Variants in PKHD1L1 observed in about 807,000 individuals in gnomAD.
PKHD1L1 encodes fibrocystin-L.
PKHD1L1 carries 434 observed loss-of-function variants against 462.9 expected under a neutral mutation model. The ratio of observed to expected loss-of-function variants is 0.94; its 90% CI spans 0.87 to 1.02. The LOEUF (loss-of-function observed/expected upper bound fraction) is 1.02. Ranked by LOEUF, PKHD1L1 falls within the 50% of genes least tolerant of loss-of-function variation. PKHD1L1 has a pLI of 0.00. For synonymous variants in PKHD1L1, 1,781 were observed against 1,750.0 expected, an observed-to-expected ratio of 1.02 and a Z score of -0.44; for missense variants, 5,202 against 5,096.1, an observed-to-expected ratio of 1.02 and a Z score of -0.63.
At chr8:109,490,144 T>A (rs2130916692) in intron 60 of PKHD1L1, 89 bp downstream of exon 60, 6 of 771,312 alleles carry the variant, frequency 7.8e-6, no homozygotes, top group South Asian at 6.5e-5. Flanking sequence ...ACATCTTATA[T>A]TAGCTAAAAT....
chr8:109,413,924 C>T (rs541896704), intron 21 of PKHD1L1, among the ~76,000 whole-genome samples: 2 of 151,466 alleles, frequency 1.3e-5, no homozygotes, highest in African/African-American at 4.8e-5. Context: ...AGTTTGATCA[C>T]TGAAAAAAAA....
chr8:109,410,219 A>G (rs1271840191), intron 19 of PKHD1L1, among the ~76,000 whole-genome samples: 2 of 152,238 alleles, frequency 1.3e-5, no homozygotes, highest in Non-Finnish European at 2.9e-5. Flanking sequence ...AGAAAGTAGG[A>G]AAGCTGATCA....
intron 5 of PKHD1L1, among the ~76,000 whole-genome samples, chr8:109,384,453 G>A (rs577645590): frequency 1.3e-5 from 2 of 151,982 alleles, no homozygotes; most frequent in Non-Finnish European, 2.9e-5. Context: ...TGAGGCGAGA[G>A]GATCACTTGA....
At chr8:109,416,622 T>C (rs1586466554) in intron 21 of PKHD1L1, among the ~76,000 whole-genome samples, 1 of 152,128 alleles carries the variant, frequency 6.6e-6, no homozygotes, top group East Asian at 1.9e-4. Flanking sequence ...CTGGAATGAA[T>C]GAAATGAGTG....
At chr8:109,519,015 G>A (rs1447472246) in intron 73 of PKHD1L1, among the ~76,000 whole-genome samples, 1 of 152,218 alleles carries the variant, frequency 6.6e-6, no homozygotes, top group East Asian at 1.9e-4. Flanking sequence ...GAAGTCAAAG[G>A]AAGGACTGTG....
intron 68 of PKHD1L1, among the ~76,000 whole-genome samples, chr8:109,506,977 T>C (rs1291060092): frequency 6.6e-6 from 1 of 152,162 alleles, no homozygotes; most frequent in Non-Finnish European, 1.5e-5. Context: ...GAGGCCAAAA[T>C]ACCATCTACA....
At chr8:109,400,042 T>C (rs757506140) in intron 12 of PKHD1L1, 34 bp from the exon 13 acceptor site, 1 of 1,571,784 alleles carries the variant, frequency 6.4e-7, no homozygotes, top group Non-Finnish European at 8.6e-7. Flanking sequence ...ATTATGATCC[T>C]GATGAAAGTC....
intron 46 of PKHD1L1, among the ~76,000 whole-genome samples, chr8:109,457,986 A>C (rs759185378): frequency 6.6e-6 from 1 of 151,702 alleles, no homozygotes; most frequent in African/African-American, 2.4e-5. Flanking sequence ...TCTTCCCTCT[A>C]TCTTTTGGAA....
rs1332223064 is a variant in PKHD1L1, at chr8:109,444,967, T to C, written c.5098T>C (p.Cys1700Arg). Reference sequence around the variant, plus strand: ...AAAAGTCCTTATGGGTCATTTCCCATGTAAAGTTCTATCAGTGAATTATAC... The same window carrying C: ...AAAAGTCCTTATGGGTCATTTCCCACGTAAAGTTCTATCAGTGAATTATAC... The part of the protein sequence containing the change: ...GVKVLMGHFP[C>R]KVLSVNYTAI... Residue 1700 changes from cysteine (C) to arginine (R), a missense_variant, in exon 38 of 78, where the codon TGT becomes CGT. Physicochemically the swap from Cys to Arg is radical, Grantham distance 180 (BLOSUM62 -3). Transcript: ENST00000378402. 1.9e-6 allele frequency: 3 copies of C among 1,613,890 alleles called. No homozygotes were observed. The highest frequency in any genetic ancestry group is 1.3e-5 in the African/African-American group (1 of 74,932).
At chr8:109,439,192 G>A (rs1262184334) in intron 32 of PKHD1L1, 100 bp downstream of exon 32, 7 of 1,094,982 alleles carry the variant, frequency 6.4e-6, no homozygotes, top group Non-Finnish European at 7.9e-6. Flanking sequence ...GGTGTTAATT[G>A]TTCTCTTTAC....
At position 109,493,673 on chromosome 8, in the gene PKHD1L1, A is replaced by G; in HGVS notation, c.10249A>G (p.Thr3417Ala). 1 of 1,603,134 alleles carries G rather than the reference A, an allele frequency of 6.2e-7. No individual in the cohort carries two copies. Among genetic ancestry groups the G allele is most frequent in the Middle Eastern group, 1.7e-4 (1 of 6,028 alleles). Residue 3417 changes from threonine (T) to alanine (A), a missense_variant, in exon 63 of 78, where the codon ACC (threonine) becomes GCC (alanine). By Grantham distance (58) the Thr-to-Ala change is moderately conservative. Around this residue, in one of 3 missense-constraint regions of PKHD1L1, gnomAD observed 4,497 missense variants for 4,336.8 expected, o/e 1.04. Transcript: ENST00000378402. ...ATCATTGCACTAGATAAATAGAGGGACCAATACAGTTTTACAGAATAATGT... is the reference window on the plus strand; with the variant it reads ...ATCATTGCACTAGATAAATAGAGGGGCCAATACAGTTTTACAGAATAATGT... ...WHAAIEINRG[T>A]NTVLQNNVVA...
intron 31 of PKHD1L1, 124 bp from the exon 32 acceptor site, chr8:109,438,773 A>G: frequency 1.2e-6 from 1 of 825,842 alleles, no homozygotes; most frequent in Non-Finnish European, 1.8e-6. Context: ...TTTGCCTCTC[A>G]AAGTGTTAGG....
At position 109,381,658 on chromosome 8, in the gene PKHD1L1, A is replaced by G. The variant is rs182126684; in HGVS notation, c.308+144A>G. The G allele has an allele frequency of 2.7e-3, 1,689 of 621,518 alleles. 2 individuals carry two copies. The highest frequency in any genetic ancestry group is 4.7e-3 in the Middle Eastern group (10 of 2,150). The allele number at this position is 621,518 out of a possible 1,614,324, so 38.5% of individuals were successfully genotyped here. ...ATAGGTTAGTATTTTTCATTTTGTG[A>G]TGTTTAGACTATTTTATGCATTTAT... On this transcript the variant is annotated intron_variant, in intron 3 of 77. Transcript: ENST00000378402.
chr8:109,362,544 G>T lies in PKHD1L1; in HGVS notation c.-37G>T, dbSNP rs1430676636. ...GAGCTCCAGCACTAGAGCCAGCTGC[G>T]AGCGGAGGGCACCAACTCCGCAGAA... On this transcript the variant is annotated 5_prime_UTR_variant, in exon 1 of 78. Transcript: ENST00000378402. The T allele has an allele frequency of 4.5e-6, 7 of 1,559,702 alleles. No homozygotes were observed. The highest frequency in any genetic ancestry group is 5.2e-6 in the Non-Finnish European group (6 of 1,146,766).
rs561828576 is a variant in PKHD1L1, at chr8:109,502,952, G to A, written c.10829-1375G>A. 7.9e-5 allele frequency among the ~76,000 whole-genome samples: 12 copies of A among 152,266 alleles called. No individual in the cohort carries two copies. The East Asian group carries it at 1.7e-3, about 22-fold the overall frequency. On this transcript the variant is annotated intron_variant, in intron 67 of 77. Coordinates refer to ENST00000378402, the MANE Select transcript of PKHD1L1 (RefSeq NM_177531.6). ...GGCATAGCTACTTGTGGTAATGGAC[G>A]GGAGTACATAATCTCTCAGGTGAGG...
At chr8:109,371,529 T>C (rs556784193) in intron 2 of PKHD1L1, among the ~76,000 whole-genome samples, 203 of 150,240 alleles carry the variant, frequency 1.4e-3, no homozygotes, top group Non-Finnish European at 2.4e-3. Flanking sequence ...TTTGTCAATT[T>C]TGGCTTTTGT....
Position 109,435,225 on chromosome 8 carries a change from G to T in PKHD1L1, c.3376G>T (p.Ala1126Ser). ...ELKCQILNGSAGHAPVAVSMA... is the reference protein window; with the variant it reads ...ELKCQILNGSSGHAPVAVSMA... ...CAAGTGCCAGATTCTGAATGGAAGT[G>T]CTGGACATGCCCCCGTTGCTGTGTC... Residue 1126 changes from alanine to serine, a missense_variant, in exon 29 of 78, where the codon GCT becomes TCT. By Grantham distance (99) the Ala-to-Ser change is moderately conservative (BLOSUM62 1). Coordinates refer to ENST00000378402, the MANE Select transcript of PKHD1L1 (RefSeq NM_177531.6). The T allele has an allele frequency of 6.2e-7, 1 of 1,613,738 alleles. No homozygotes were observed. Among genetic ancestry groups the T allele is most frequent in the Non-Finnish European group, 8.5e-7 (1 of 1,179,706 alleles).
rs538792367 is a variant in PKHD1L1 at position 109,480,525 on chromosome 8, C to A, written c.9327+386C>A. ...AAACAAACAGTATTTAAAAAAAAAA[C>A]CAAAGGGACATAGATGGAATTGTGA... On this transcript the variant is annotated intron_variant, in intron 55 of 77. Transcript: ENST00000378402. The A allele has an allele frequency of 9.4e-3, 4,081 of 434,306 alleles. 39 individuals are homozygous for A. The highest frequency in any genetic ancestry group is 0.016 in the South Asian group (933 of 59,028). The allele number at this position is 434,306 out of a possible 1,614,324, so 26.9% of individuals were successfully genotyped here.
At chr8:109,372,027 C>T (rs901870209) in intron 2 of PKHD1L1, among the ~76,000 whole-genome samples, 7 of 152,036 alleles carry the variant, frequency 4.6e-5, no homozygotes, top group Non-Finnish European at 8.8e-5. Context: ...GTAGTTTTTT[C>T]GAATTCTGTG....
Sources: gnomAD v4.1 joint callset for allele counts (sites outside exome capture counted in the v4.1 genomes callset) on GRCh38, gnomAD v4.1.1 for gene constraint, gnomAD v4.1.1 regional missense constraint, MANE v1.5 for transcripts, NCBI Gene and HGNC (gene_info 2026-07-23, HGNC 2026-07-21) for gene names.